CUL2: variants seen among roughly 807,000 people sequenced by gnomAD.
CUL2 encodes the protein cullin-2.
A neutral mutation model predicts 110.2 loss-of-function variants in CUL2; 22 were observed. The observed-to-expected ratio is 0.20, with a 90% CI of 0.14 to 0.28. CUL2 has a LOEUF of 0.28. Ranked by LOEUF, CUL2 falls within the 10% of genes least tolerant of loss-of-function variation. CUL2 has a pLI of 1.00. For synonymous variants in CUL2, 279 were observed against 293.2 expected (o/e 0.95, Z 0.49); for missense variants, 631 against 905.5 (o/e 0.70, Z 3.89).
chr10:35,021,831 CGAGGTGAGGTGAGGT>C (rs773566667), intron 17 of CUL2, among the ~76,000 whole-genome samples: 1 of 66,330 alleles, frequency 1.5e-5, no homozygotes, highest in Non-Finnish European at 3.0e-5. Context: ...TGAGGTGAGG[CGAGGTGAGGTGAGGT>C]GAGGTGAGGT....
At chr10:35,122,308 G>C (rs1194894540) in intron 1 of CUL2, among the ~76,000 whole-genome samples, 1 of 152,206 alleles carries the variant, frequency 6.6e-6, no homozygotes, top group Non-Finnish European at 1.5e-5. Flanking sequence ...CTTGAGATCT[G>C]TGGTCTAGTA....
At chr10:35,086,813 TTC>T (rs752782779) in intron 1 of CUL2, among the ~76,000 whole-genome samples, 3 of 152,222 alleles carry the variant, frequency 2.0e-5, no homozygotes, top group Non-Finnish European at 4.4e-5. Context: ...TCTTTCTACA[TTC>T]TCTGTGTTCT....
At chr10:35,056,739 A>C (rs1160839323) in intron 4 of CUL2, among the ~76,000 whole-genome samples, 1 of 152,234 alleles carries the variant, frequency 6.6e-6, no homozygotes, top group Admixed American at 6.5e-5. Context: ...CTTAATTGTC[A>C]TATTACCATT....
At chr10:35,097,823 G>T (rs956240007) in intron 2 of CUL2, among the ~76,000 whole-genome samples, 1 of 151,938 alleles carries the variant, frequency 6.6e-6, no homozygotes, top group Non-Finnish European at 1.5e-5. Flanking sequence ...GCCAGGCTTG[G>T]TGGTGCATGC....
chr10:35,068,582 A>G (rs1367808264), intron 2 of CUL2, among the ~76,000 whole-genome samples: 1 of 152,176 alleles, frequency 6.6e-6, no homozygotes, highest in Non-Finnish European at 1.5e-5. Context: ...TCTATTGATA[A>G]TGTAATTGCT....
chr10:35,102,291 G>T (rs2087391004), intron 1 of CUL2, among the ~76,000 whole-genome samples: 1 of 151,716 alleles, frequency 6.6e-6, no homozygotes, highest in South Asian at 2.1e-4. Flanking sequence ...TAAGAAACAG[G>T]CTGGGTGCTG....
Position 35,010,298 on chromosome 10 carries a change from G to C in CUL2, c.*13C>G, listed in dbSNP as rs746756243. ...GCAATGATCTTCTCACACCACGCTGGAGGAGAGCGACATCACGCGACGTAG... is the reference window on the plus strand; with the variant it reads ...GCAATGATCTTCTCACACCACGCTGCAGGAGAGCGACATCACGCGACGTAG... On this transcript the variant is annotated 3_prime_UTR_variant, in exon 21 of 21. Coordinates refer to ENST00000374749, the MANE Select transcript of CUL2 (RefSeq NM_003591.4). 1.8e-5 allele frequency: 28 copies of C among 1,598,896 alleles called. No individual in the cohort carries two copies. The highest frequency in any genetic ancestry group is 2.4e-5 in the Non-Finnish European group (28 of 1,172,218).
intron 4 of CUL2, among the ~76,000 whole-genome samples, chr10:35,057,279 A>T (rs2086261222): frequency 6.6e-6 from 1 of 152,216 alleles, no homozygotes; most frequent in Non-Finnish European, 1.5e-5. Context: ...ACAGAATAAA[A>T]TTTAAACTAA....
intron 14 of CUL2, among the ~76,000 whole-genome samples, chr10:35,029,923 T>A (rs1273309500): frequency 6.6e-6 from 1 of 152,228 alleles, no homozygotes; most frequent in Non-Finnish European, 1.5e-5. Context: ...CATCTCTTAT[T>A]TCAGCACTGC....
At chr10:35,075,155 G>A (rs2086783127) in intron 1 of CUL2, among the ~76,000 whole-genome samples, 1 of 152,154 alleles carries the variant, frequency 6.6e-6, no homozygotes, top group Admixed American at 6.6e-5. Flanking sequence ...TGCTTGGATG[G>A]ATAGCAAATC....
At chr10:35,023,256 G>T (rs1019244930) in intron 17 of CUL2, among the ~76,000 whole-genome samples, 2 of 151,858 alleles carry the variant, frequency 1.3e-5, no homozygotes, top group East Asian at 3.9e-4. Flanking sequence ...AAGTTGGGAA[G>T]AAAAACAACT....
In CUL2 at chr10:35,035,218, A is replaced by G; in HGVS notation, c.956T>C (p.Ile319Thr). 6.2e-7 allele frequency: 1 copy of G among 1,614,182 alleles called. No homozygotes were observed. The highest frequency in any genetic ancestry group is 8.5e-7 in the Non-Finnish European group (1 of 1,180,028). The change falls in exon 10 of 21, where the codon ATC becomes ACC. Residue 319 changes from isoleucine (I) to threonine (T), a missense_variant. Physicochemically the swap from Ile to Thr is moderately conservative, Grantham distance 89. Around this residue, in one of 3 missense-constraint regions of CUL2, gnomAD observed 338 missense variants for 442.5 expected, o/e 0.76. Transcript: ENST00000374749. Reference protein sequence around the residue: ...PHMIQELQNHIHDEGLRATSN... With the variant: ...PHMIQELQNHTHDEGLRATSN... Reference sequence around the variant, plus strand: ...GGTTGCTCGAAGGCCCTCATCATGGATGTGGTTTTGCAGCTCCTGAATCAT... The same window carrying G: ...GGTTGCTCGAAGGCCCTCATCATGGGTGTGGTTTTGCAGCTCCTGAATCAT...
intron 16 of CUL2, among the ~76,000 whole-genome samples, chr10:35,027,680 CTG>C (rs2085370943): frequency 6.6e-6 from 1 of 152,012 alleles, no homozygotes; most frequent in African/African-American, 2.4e-5. Context: ...CATGAGAAAA[CTG>C]TACACTATTA....
intron 1 of CUL2, among the ~76,000 whole-genome samples, chr10:35,103,811 T>C (rs115192503): frequency 2.8e-4 from 43 of 152,194 alleles, no homozygotes; most frequent in African/African-American, 1.0e-3. Flanking sequence ...TATGAACTAA[T>C]ATTGCTTTCA....
intron 1 of CUL2, among the ~76,000 whole-genome samples, chr10:35,085,988 C>T (rs1160304822): frequency 1.3e-5 from 2 of 152,058 alleles, no homozygotes; most frequent in Non-Finnish European, 2.9e-5. Flanking sequence ...ACGTGTGTAC[C>T]TCCTGAATCT....
intron 5 of CUL2, among the ~76,000 whole-genome samples, chr10:35,051,692 T>G (rs1227713216): frequency 6.6e-6 from 1 of 152,248 alleles, no homozygotes; most frequent in East Asian, 1.9e-4. Flanking sequence ...GGGAATTCTT[T>G]AATGTTTATT....
intron 1 of CUL2, among the ~76,000 whole-genome samples, chr10:35,119,081 G>T (rs192975692): frequency 6.6e-6 from 1 of 152,144 alleles, no homozygotes. Context: ...TGCTCCTTGC[G>T]TGTTCCTTTT....
chr10:35,033,176 G>T lies in CUL2; in HGVS notation c.1100C>A (p.Ala367Glu). ...VLNGDQHFMS[A>E]LDKALTSVVN... ...GTATTTAAAACTTACCTTATCCAACGCACTCATAAAATGCTGATCACCATT... is the reference window on the plus strand; with the variant it reads ...GTATTTAAAACTTACCTTATCCAACTCACTCATAAAATGCTGATCACCATT... The change falls in exon 11 of 21, where the codon GCG (alanine) becomes GAG (glutamate). Residue 367 changes from alanine to glutamate, a missense_variant. Physicochemically the swap from Ala to Glu is moderately radical, Grantham distance 107. This residue lies in a region of CUL2 where 338 missense variants were observed against 442.5 expected (regional missense o/e 0.76). Transcript: ENST00000374749. 2 of 1,608,932 alleles carry T rather than the reference G, an allele frequency of 1.2e-6. No individual in the cohort carries two copies. The highest frequency in any genetic ancestry group is 1.3e-5 in the African/African-American group (1 of 74,842).
intron 18 of CUL2, 52 bp downstream of exon 18, chr10:35,016,140 A>G (rs1588946825): frequency 4.1e-6 from 6 of 1,464,206 alleles, no homozygotes; most frequent in Non-Finnish European, 5.7e-6. Context: ...ACATCTCATG[A>G]AAAAGCTTTA....
Sources: gnomAD v4.1 joint callset for allele counts (sites outside exome capture counted in the v4.1 genomes callset) on GRCh38, gnomAD v4.1.1 for gene constraint, gnomAD v4.1.1 regional missense constraint, MANE v1.5 for transcripts, NCBI Gene and HGNC (gene_info 2026-07-23, HGNC 2026-07-21) for gene names.